BIRC6: variants seen among roughly 807,000 people sequenced by gnomAD.
The protein encoded by BIRC6 is baculoviral IAP repeat containing 6.
In BIRC6, 98 loss-of-function variants were observed where a neutral mutation model predicts 503.3. The observed-to-expected ratio is 0.19, with a 90% CI of 0.17 to 0.23. The LOEUF is 0.23. Among genes scored for constraint, BIRC6 ranks in the 10% least tolerant of loss-of-function variants. The probability of loss-of-function intolerance (pLI) is 1.00; values close to 1 mark genes in which losing one functional copy is unlikely to be tolerated. For missense variants in BIRC6, 5,360 were observed against 5,806.0 expected (o/e 0.92, Z 2.50); for synonymous variants, 2,240 against 2,078.7 (o/e 1.08, Z -2.11).
chr2:32,499,703 C>A lies in BIRC6; in HGVS notation c.8625C>A (p.Asp2875Glu). The stretch of plus-strand genomic sequence containing the variant: ...TGCACCACTATATCACTTGCTCAGA[C>A]AAAGTAATGTCAAGAAGTGGATCAG... ...FLVHHYITCSDKVMSRSGSDS... is the reference protein window; with the variant it reads ...FLVHHYITCSEKVMSRSGSDS... Residue 2875 changes from aspartate to glutamate, a missense_variant, in exon 46 of 74, where the codon GAC becomes GAA. Physicochemically the swap from Asp to Glu is conservative, Grantham distance 45. Around this residue, in one of 16 missense-constraint regions of BIRC6, gnomAD observed 2,299 missense variants for 2,267.2 expected, o/e 1.01. Transcript: ENST00000421745. 2 of 1,613,964 alleles carry A rather than the reference C, an allele frequency of 1.2e-6. No homozygotes were observed. Among genetic ancestry groups the A allele is most frequent in the Non-Finnish European group, 1.7e-6 (2 of 1,179,884 alleles).
At chr2:32,504,706 T>G (rs1312482168) in intron 49 of BIRC6, among the ~76,000 whole-genome samples, 2 of 151,772 alleles carry the variant, frequency 1.3e-5, no homozygotes, top group Non-Finnish European at 2.9e-5. Flanking sequence ...AAAAAAAATT[T>G]AAAAAAAGTT....
At chr2:32,532,764 A>G (rs192948018) in intron 61 of BIRC6, among the ~76,000 whole-genome samples, 44 of 152,320 alleles carry the variant, frequency 2.9e-4, no homozygotes, top group Non-Finnish European at 4.4e-4. Context: ...AGACAATGAC[A>G]TAATTACTCA....
chr2:32,543,579 A>T, intron 62 of BIRC6, 38 bp downstream of exon 62: 1 of 1,578,992 alleles, frequency 6.3e-7, no homozygotes, highest in Non-Finnish European at 8.6e-7. Flanking sequence ...CACATATGTG[A>T]ATAGGTTGTG....
chr2:32,618,408 T>C lies in BIRC6; in HGVS notation c.*504T>C, dbSNP rs2063368234. On this transcript the variant is annotated 3_prime_UTR_variant, in exon 74 of 74. Coordinates refer to ENST00000421745, the MANE Select transcript of BIRC6 (RefSeq NM_016252.4). ...TACATACACTTCAATAAAAGTTAAA[T>C]GGACATACTCCCTCTTTTTTGATTT... 6.6e-6 allele frequency: 1 copy of C among 152,266 alleles called. No individual in the cohort carries two copies. Among genetic ancestry groups the C allele is most frequent in the Non-Finnish European group, 1.5e-5 (1 of 68,058 alleles). 9.4% of individuals were successfully genotyped at this position (152,266 alleles called of 1,614,324 possible).
At chr2:32,494,660 G>A (rs962070351) in intron 45 of BIRC6, among the ~76,000 whole-genome samples, 51 of 152,190 alleles carry the variant, frequency 3.4e-4, no homozygotes, top group Middle Eastern at 3.4e-3. Flanking sequence ...CCGGCACCCT[G>A]GGAGGCTGAG....
intron 22 of BIRC6, among the ~76,000 whole-genome samples, chr2:32,453,419 A>G (rs943523904): frequency 6.6e-6 from 1 of 152,176 alleles, no homozygotes; most frequent in Non-Finnish European, 1.5e-5. Flanking sequence ...GATTTTACAT[A>G]TAGCCAACAG....
chr2:32,551,750 A>C (rs2058439323), intron 65 of BIRC6, among the ~76,000 whole-genome samples: 1 of 151,800 alleles, frequency 6.6e-6, no homozygotes, highest in South Asian at 2.1e-4. Context: ...GATAGGATCC[A>C]CTCCACCATT....
intron 52 of BIRC6, 49 bp from the exon 53 acceptor site, chr2:32,510,477 G>A (rs1368755118): frequency 3.6e-6 from 4 of 1,101,320 alleles, no homozygotes; most frequent in Non-Finnish European, 5.5e-6. Flanking sequence ...TCTTCCCATG[G>A]TTAACTTGCT....
At chr2:32,493,446 A>G in intron 44 of BIRC6, 94 bp from the exon 45 acceptor site, 3 of 1,245,524 alleles carry the variant, frequency 2.4e-6, no homozygotes, top group South Asian at 1.7e-5. Context: ...GTTACAGTGT[A>G]TAGCTTTTGA....
At chr2:32,587,816 C>A (rs942791884) in intron 66 of BIRC6, among the ~76,000 whole-genome samples, 1 of 152,114 alleles carries the variant, frequency 6.6e-6, no homozygotes, top group Non-Finnish European at 1.5e-5. Flanking sequence ...TTACTGTTTT[C>A]CTTTTACTCA....
intron 3 of BIRC6, among the ~76,000 whole-genome samples, chr2:32,387,052 A>G (rs1256692001): frequency 6.6e-6 from 1 of 152,092 alleles, no homozygotes; most frequent in African/African-American, 2.4e-5. Context: ...TCTTTCTTGG[A>G]CCACAGTGAT....
At chr2:32,581,157 C>T (rs941523189) in intron 66 of BIRC6, among the ~76,000 whole-genome samples, 12 of 152,164 alleles carry the variant, frequency 7.9e-5, no homozygotes, top group African/African-American at 2.9e-4. Flanking sequence ...GTATTAAGGT[C>T]CTGGAATGGC....
chr2:32,552,398 A>G (rs1228509914), intron 65 of BIRC6, among the ~76,000 whole-genome samples: 1 of 152,218 alleles, frequency 6.6e-6, no homozygotes, highest in Non-Finnish European at 1.5e-5. Context: ...TGGCCTGAAC[A>G]TATTAAATGA....
intron 61 of BIRC6, among the ~76,000 whole-genome samples, chr2:32,540,006 C>T (rs2057535150): frequency 6.6e-6 from 1 of 151,980 alleles, no homozygotes; most frequent in Non-Finnish European, 1.5e-5. Context: ...ACTATTATAA[C>T]CAACTTTATG....
intron 23 of BIRC6, among the ~76,000 whole-genome samples, chr2:32,455,398 A>G (rs2148670202): frequency 6.6e-6 from 1 of 151,696 alleles, no homozygotes; most frequent in African/African-American, 2.4e-5. Context: ...AAAAAAAAAA[A>G]AAAATTAAGT....
At chr2:32,462,389 A>G (rs1379524100) in intron 23 of BIRC6, among the ~76,000 whole-genome samples, 2 of 152,334 alleles carry the variant, frequency 1.3e-5, no homozygotes, top group East Asian at 1.9e-4. Flanking sequence ...TTGAATAACA[A>G]TGAAATGGAA....
chr2:32,463,254 C>A lies in BIRC6; in HGVS notation c.4814C>A (p.Ala1605Asp). 6.2e-7 allele frequency: 1 copy of A among 1,613,598 alleles called. No individual in the cohort carries two copies. ...GGLSSGTVGE[A>D]STALSSAAQV... ...CTATCATCTGGGACAGTTGGGGAAG[C>A]CTCGACAGCCCTGAGTTCAGCAGCC... Residue 1605 changes from alanine (A) to aspartate (D), a missense_variant, in exon 24 of 74, where the codon GCC (alanine) becomes GAC (aspartate). Around this residue, in one of 16 missense-constraint regions of BIRC6, gnomAD observed 2,299 missense variants for 2,267.2 expected, o/e 1.01. Transcript: ENST00000421745.
intron 15 of BIRC6, among the ~76,000 whole-genome samples, chr2:32,437,295 A>G (rs1263489977): frequency 6.6e-6 from 1 of 152,178 alleles, no homozygotes; most frequent in Non-Finnish European, 1.5e-5. Flanking sequence ...ATGGGCTATC[A>G]TGTTGATAAT....
chr2:32,506,662 G>C (rs564465250), intron 50 of BIRC6, among the ~76,000 whole-genome samples: 106 of 152,318 alleles, frequency 7.0e-4, no homozygotes, highest in African/African-American at 2.5e-3. Context: ...AAATTAATTG[G>C]TTTAGGTGTT....
Sources: allele counts gnomAD v4.1 joint callset (sites outside exome capture counted in the v4.1 genomes callset), GRCh38; gene constraint gnomAD v4.1.1; regional missense constraint gnomAD v4.1.1; transcripts MANE v1.5; gene names NCBI Gene and HGNC (gene_info 2026-07-23, HGNC 2026-07-21).